Variants in FASLG observed in about 807,000 individuals in gnomAD.
FASLG encodes tumor necrosis factor ligand superfamily member 6.
FASLG carries 9 observed loss-of-function variants against 24.6 expected under a neutral mutation model. That is an observed-to-expected ratio of 0.37 (90% CI 0.22 to 0.64). The LOEUF is 0.64. Ranked by LOEUF, FASLG falls within the 30% of genes least tolerant of loss-of-function variation. FASLG has a pLI of 0.64. For missense variants in FASLG, 306 were observed against 345.3 expected, an observed-to-expected ratio of 0.89 and a Z score of 0.90; for synonymous variants, 130 against 135.5, an observed-to-expected ratio of 0.96 and a Z score of 0.28.
At chr1:172,665,402 G>A (rs189535373) in intron 3 of FASLG, among the ~76,000 whole-genome samples, 10 of 152,246 alleles carry the variant, frequency 6.6e-5, no homozygotes, top group African/African-American at 2.4e-4. Flanking sequence ...TGGATTACGG[G>A]TATATACTAT....
In FASLG at chr1:172,659,369, TCCGCCG is replaced by T. The variant is rs772297337; in HGVS notation, c.177_182del (p.Pro61_Pro62del). 6.8e-6 allele frequency: 11 copies of T among 1,607,910 alleles called. No individual in the cohort carries two copies. The South Asian group carries it at 9.9e-5, about 15-fold the overall frequency. On this transcript the variant is annotated inframe_deletion, in exon 1 of 4. Transcript: ENST00000367721. ...CACCGCCACCGCCACCACTACCACCTCCGCCGCCGCCGCCACCACTGCCTCCACTAC... is the reference window on the plus strand; with the variant it reads ...CACCGCCACCGCCACCACTACCACCTCCGCCGCCACCACTGCCTCCACTAC...
rs56302117 is a variant in FASLG at position 172,659,481 on chromosome 1, T to G, written c.280T>G (p.Leu94Val). The G allele has an allele frequency of 1.9e-4, 311 of 1,614,078 alleles. 3 individuals carry two copies. In the East Asian group the frequency reaches 5.1e-3, roughly 27 times the overall value. ...GATGTTTTTCATGGTTCTGGTTGCC[T>G]TGGTAGGATTGGGCCTGGGGATGTT... is the stretch of plus-strand genomic sequence containing the variant. ...LVMFFMVLVA[L>V]VGLGLGMFQL... is the part of the protein sequence containing the mutation. The change falls in exon 1 of 4, where the codon TTG becomes GTG. Residue 94 changes from leucine (L) to valine (V), a missense_variant. Coordinates refer to ENST00000367721, the MANE Select transcript of FASLG (RefSeq NM_000639.3).
At chr1:172,664,928 G>A (rs1442887512) in intron 3 of FASLG, among the ~76,000 whole-genome samples, 2 of 152,194 alleles carry the variant, frequency 1.3e-5, no homozygotes. Flanking sequence ...ATCACAGAAA[G>A]TGGTAGGCTA....
At chr1:172,664,586 C>G (rs566117197) in intron 3 of FASLG, among the ~76,000 whole-genome samples, 196 bp downstream of exon 3, 2 of 152,334 alleles carry the variant, frequency 1.3e-5, no homozygotes, top group South Asian at 2.1e-4. Context: ...GGGCAAGGCC[C>G]TCTTCTAAAT....
intron 2 of FASLG, among the ~76,000 whole-genome samples, chr1:172,662,927 G>A (rs1045458210): frequency 2.0e-5 from 3 of 152,128 alleles, no homozygotes; most frequent in African/African-American, 4.8e-5. Context: ...AGGAGACTCA[G>A]TTTTGCCTTT....
intron 1 of FASLG, 48 bp downstream of exon 1, chr1:172,659,597 G>A (rs1659094949): frequency 1.9e-6 from 3 of 1,598,708 alleles, no homozygotes; most frequent in Non-Finnish European, 2.6e-6. Flanking sequence ...CAGGCATAAG[G>A]GGATGGAGGG....
chr1:172,659,253 A>T lies in FASLG; in HGVS notation c.52A>T (p.Ser18Cys). Residue 18 changes from serine to cysteine, a missense_variant, in exon 1 of 4, where the codon AGT becomes TGT. By Grantham distance (112) the Ser-to-Cys change is moderately radical. Transcript: ENST00000367721. ...PYPQIYWVDS[S>C]ASSPWAPPGT... ...TCCCCAGATCTACTGGGTGGACAGC[A>T]GTGCCAGCTCTCCCTGGGCCCCTCC... 1 of 1,614,156 alleles carries T rather than the reference A, an allele frequency of 6.2e-7. No homozygotes were observed. The highest frequency in any genetic ancestry group is 1.1e-5 in the South Asian group (1 of 91,082).
rs74763849 is a variant in FASLG at position 172,665,316 on chromosome 1, A to T, written c.452-306A>T. Among the ~76,000 whole-genome samples the T allele has an allele frequency of 4.2e-3, 646 of 152,308 alleles. 4 individuals are homozygous for T. The highest frequency in any genetic ancestry group is 0.014 in the African/African-American group (593 of 41,560). ...AGGAAAGGACTTCAAAGCCTAGCAG[A>T]TTTGGTGCTAGTTCTGAAGATAGTA... On this transcript the variant is annotated intron_variant, in intron 3 of 3. Transcript: ENST00000367721.
intron 2 of FASLG, among the ~76,000 whole-genome samples, chr1:172,663,423 A>G (rs1659184133): frequency 6.6e-6 from 1 of 152,178 alleles, no homozygotes; most frequent in Non-Finnish European, 1.5e-5. Context: ...ATCATATTTG[A>G]TCAAAAAAGG....
chr1:172,665,628 C>G lies in FASLG; in HGVS notation c.458C>G (p.Ser153Cys). 6.2e-7 allele frequency: 1 copy of G among 1,613,076 alleles called. No homozygotes were observed. Among genetic ancestry groups the G allele is most frequent in the Non-Finnish European group, 8.5e-7 (1 of 1,180,034 alleles). The change falls in exon 4 of 4, where the codon TCC becomes TGC. Residue 153 changes from serine (S) to cysteine (C), a missense_variant. Ser to Cys is a moderately radical substitution (Grantham distance 112). Transcript: ENST00000367721. ...CCTTTTGGATTTATTTCAGGCAAGT[C>G]CAACTCAAGGTCCATGCCTCTGGAA... ...LRKVAHLTGK[S>C]NSRSMPLEWE...
At chr1:172,664,064 T>C (rs1193176822) in intron 2 of FASLG, among the ~76,000 whole-genome samples, 2 of 152,212 alleles carry the variant, frequency 1.3e-5, no homozygotes, top group Non-Finnish European at 2.9e-5. Flanking sequence ...CAGCTCTTTA[T>C]GAATAAATGT....
Position 172,662,126 on chromosome 1 carries a change from G to A in FASLG, c.394+1986G>A, listed in dbSNP as rs548660388. The stretch of plus-strand genomic sequence containing the variant: ...GCAACTAAAAGTGATGTATCAGAAG[G>A]ACATTTAATGCTTTGGGGATTGTGC... On this transcript the variant is annotated intron_variant, in intron 2 of 3. Transcript: ENST00000367721. Among the ~76,000 whole-genome samples the A allele has an allele frequency of 4.0e-5, 6 of 151,822 alleles. No individual in the cohort carries two copies. The East Asian group carries it at 1.2e-3, about 29-fold the overall frequency.
rs1384389243 is a variant in FASLG at position 172,661,967 on chromosome 1, A to C, written c.394+1827A>C. Among the ~76,000 whole-genome samples the C allele has an allele frequency of 2.0e-5, 3 of 152,242 alleles. No individual in the cohort carries two copies. The East Asian group carries it at 5.8e-4, about 29-fold the overall frequency. Reference sequence around the variant, plus strand: ...AAGAAAATAATCAGAGATGTGCCCGAAGATTTATATATAAGGATGTTCATT... The same window carrying C: ...AAGAAAATAATCAGAGATGTGCCCGCAGATTTATATATAAGGATGTTCATT... On this transcript the variant is annotated intron_variant, in intron 2 of 3. Transcript: ENST00000367721.
chr1:172,659,339 A>G lies in FASLG; in HGVS notation c.138A>G (p.Pro46=), dbSNP rs149769121. The G allele has an allele frequency of 6.2e-7, 1 of 1,611,628 alleles. No individual in the cohort carries two copies. Among genetic ancestry groups the G allele is most frequent in the African/African-American group, 1.3e-5 (1 of 74,784 alleles). ...VPRRPGQRRP[P]PPPPPPPLPP... ...GAAGGCCTGGTCAAAGGAGGCCACC[A>G]CCACCACCGCCACCGCCACCACTAC... The change falls in exon 1 of 4, where the codon CCA becomes CCG. Residue 46 remains proline, a synonymous_variant. Coordinates refer to ENST00000367721, the MANE Select transcript of FASLG (RefSeq NM_000639.3).
intron 2 of FASLG, among the ~76,000 whole-genome samples, chr1:172,660,995 T>C (rs1224810066): frequency 6.6e-6 from 1 of 152,226 alleles, no homozygotes; most frequent in African/African-American, 2.4e-5. Flanking sequence ...TTTCATTTTT[T>C]GGAAGAGAAA....
chr1:172,662,522 A>C (rs182538585), intron 2 of FASLG, among the ~76,000 whole-genome samples: 96 of 151,918 alleles, frequency 6.3e-4, no homozygotes, highest in African/African-American at 2.1e-3. Flanking sequence ...GCAATTCCAA[A>C]GTTGTACTAA....
chr1:172,665,868 G>T lies in FASLG; in HGVS notation c.698G>T (p.Cys233Phe). ...ATGGAGGGGAAGATGATGAGCTACT[G>T]CACTACTGGGCAGATGTGGGCCCGC... ...VMMEGKMMSYCTTGQMWARSS... is the reference protein window; with the variant it reads ...VMMEGKMMSYFTTGQMWARSS... The change falls in exon 4 of 4, where the codon TGC becomes TTC. Residue 233 changes from cysteine to phenylalanine, a missense_variant. Transcript: ENST00000367721. 1.9e-6 allele frequency: 3 copies of T among 1,613,528 alleles called. No individual in the cohort carries two copies. The highest frequency in any genetic ancestry group is 2.5e-6 in the Non-Finnish European group (3 of 1,179,552).
chr1:172,659,592 A>G (rs55889136), intron 1 of FASLG, 43 bp downstream of exon 1: 18 of 1,607,066 alleles, frequency 1.1e-5, no homozygotes, highest in Admixed American at 1.7e-5. Context: ...GGCACCAGGC[A>G]TAAGGGGATG....
Position 172,659,444 on chromosome 1 carries a change from G to T in FASLG, c.243G>T (p.Leu81=), listed in dbSNP as rs760651511. 9 of 1,613,970 alleles carry T rather than the reference G, an allele frequency of 5.6e-6. No homozygotes were observed. The highest frequency in any genetic ancestry group is 1.7e-4 in the Middle Eastern group (1 of 6,060). ...LKKRGNHSTG[L]CLLVMFFMVL... is the part of the protein sequence containing the mutation. ...AGAGAGGGAACCACAGCACAGGCCT[G>T]TGTCTCCTTGTGATGTTTTTCATGG... The change falls in exon 1 of 4, where the codon CTG becomes CTT. Residue 81 remains leucine (L), a synonymous_variant. Transcript: ENST00000367721.
Sources: gnomAD v4.1 joint callset for allele counts (sites outside exome capture counted in the v4.1 genomes callset) on GRCh38, gnomAD v4.1.1 for gene constraint, MANE v1.5 for transcripts, NCBI Gene and HGNC (gene_info 2026-07-23, HGNC 2026-07-21) for gene names.